FAM222B: variants seen among roughly 807,000 people sequenced by gnomAD.
FAM222B encodes the protein family with sequence similarity 222 member B, also known as protein FAM222B.
In FAM222B, 12 loss-of-function variants were observed where a neutral mutation model predicts 38.0. The observed-to-expected ratio is 0.32, with a 90% CI of 0.20 to 0.51. The LOEUF (loss-of-function observed/expected upper bound fraction) is 0.51, where lower values mean the gene tolerates loss of function less well. FAM222B is among the 20% of genes least tolerant of loss of function. The pLI, the probability that FAM222B is intolerant of heterozygous loss-of-function variation, is 0.97. For missense variants in FAM222B, 716 were observed against 754.2 expected (o/e 0.95, Z 0.59); for synonymous variants, 329 against 317.2 (o/e 1.04, Z -0.40).
intron 1 of FAM222B, among the ~76,000 whole-genome samples, chr17:28,805,796 G>A (rs925640986): frequency 1.5e-4 from 23 of 152,156 alleles, no homozygotes; most frequent in African/African-American, 5.6e-4. Flanking sequence ...TAGTCTGTAT[G>A]CCTAGAAAAC....
intron 1 of FAM222B, among the ~76,000 whole-genome samples, chr17:28,816,391 A>G (rs960533660): frequency 7.2e-5 from 11 of 152,190 alleles, no homozygotes; most frequent in African/African-American, 2.7e-4. Context: ...TAGTCAGTAA[A>G]AGATACTAAA....
intron 2 of FAM222B, among the ~76,000 whole-genome samples, chr17:28,765,245 T>A (rs1021945266): frequency 6.6e-6 from 1 of 152,226 alleles, no homozygotes; most frequent in Non-Finnish European, 1.5e-5. Flanking sequence ...TTTTAACTTC[T>A]GATGATGTTC....
chr17:28,845,818 C>T (rs1412482238), upstream of FAM222B, among the ~76,000 whole-genome samples: 1 of 150,844 alleles, frequency 6.6e-6, no homozygotes, highest in Non-Finnish European at 1.5e-5. Context: ...TCAATTGAAC[C>T]CGGGAGGTGG....
intron 1 of FAM222B, among the ~76,000 whole-genome samples, chr17:28,839,853 CAG>C (rs1175180360): frequency 6.6e-6 from 1 of 151,800 alleles, no homozygotes; most frequent in Non-Finnish European, 1.5e-5. Context: ...TTTTACCAGA[CAG>C]AGAAGTTAAA....
chr17:28,801,717 C>G (rs2037239389), intron 1 of FAM222B, among the ~76,000 whole-genome samples: 2 of 151,942 alleles, frequency 1.3e-5, no homozygotes, highest in Admixed American at 6.6e-5. Flanking sequence ...ACTTTTCCCT[C>G]CTAATTTAGG....
At chr17:28,847,872 C>T (rs541125699) in intron 1 of FAM222B, among the ~76,000 whole-genome samples, 96 of 151,306 alleles carry the variant, frequency 6.3e-4, no homozygotes, top group African/African-American at 2.3e-3. Flanking sequence ...CGAGATAGCG[C>T]CACTGTACTC....
intron 2 of FAM222B, among the ~76,000 whole-genome samples, chr17:28,765,635 T>C (rs548970260): frequency 6.6e-5 from 10 of 152,248 alleles, no homozygotes; most frequent in South Asian, 4.1e-4. Context: ...GTGCCAAGAA[T>C]AGAATATTTT....
At chr17:28,777,515 A>G (rs1013686253) in intron 1 of FAM222B, among the ~76,000 whole-genome samples, 3 of 152,110 alleles carry the variant, frequency 2.0e-5, no homozygotes, top group African/African-American at 7.2e-5. Flanking sequence ...TAACTTTTCA[A>G]TTTGAGAGTG....
At chr17:28,836,870 A>C (rs1249445673) in intron 1 of FAM222B, among the ~76,000 whole-genome samples, 1 of 151,982 alleles carries the variant, frequency 6.6e-6, no homozygotes, top group East Asian at 1.9e-4. Context: ...TGGGCATAAG[A>C]GGGGTGGGCT....
At chr17:28,774,564 C>T (rs2151815550) in intron 1 of FAM222B, among the ~76,000 whole-genome samples, 1 of 152,252 alleles carries the variant, frequency 6.6e-6, no homozygotes, top group Non-Finnish European at 1.5e-5. Flanking sequence ...AAACCTTTTT[C>T]CCTACTGGAA....
intron 1 of FAM222B, among the ~76,000 whole-genome samples, chr17:28,799,376 C>A (rs1250845715): frequency 1.3e-4 from 20 of 149,644 alleles, no homozygotes; most frequent in Admixed American, 1.3e-3. Flanking sequence ...CAACTCACTG[C>A]AACCTCTGCC....
At chr17:28,810,792 T>C (rs935580000) in intron 1 of FAM222B, among the ~76,000 whole-genome samples, 1 of 152,246 alleles carries the variant, frequency 6.6e-6, no homozygotes, top group African/African-American at 2.4e-5. Flanking sequence ...TCGTAATCCC[T>C]ATTACTTTCC....
chr17:28,782,174 T>A (rs2036193099), intron 1 of FAM222B, among the ~76,000 whole-genome samples: 1 of 151,936 alleles, frequency 6.6e-6, no homozygotes, highest in Non-Finnish European at 1.5e-5. Context: ...AATAAATAAT[T>A]AGCTGGGTGT....
chr17:28,827,431 AG>A (rs2038484985), intron 1 of FAM222B, among the ~76,000 whole-genome samples: 2 of 152,210 alleles, frequency 1.3e-5, no homozygotes, highest in Non-Finnish European at 2.9e-5. Context: ...ATGAGGAAAC[AG>A]AATAGCAATT....
intron 1 of FAM222B, chr17:28,812,324 G>A (rs1025924499): frequency 1.3e-5 from 2 of 152,350 alleles, no homozygotes; most frequent in African/African-American, 4.8e-5. Flanking sequence ...GGATGGAAGA[G>A]AGGGGGCTTC....
intron 1 of FAM222B, among the ~76,000 whole-genome samples, chr17:28,822,061 C>T (rs938802922): frequency 6.6e-6 from 1 of 151,366 alleles, no homozygotes; most frequent in African/African-American, 2.4e-5. Context: ...CAGTGGCTCA[C>T]GCCTATAATC....
rs2036904636 is a variant in FAM222B at position 28,795,592 on chromosome 17, TA to T, written c.-40-28886del. On this transcript the variant is annotated intron_variant, in intron 1 of 2. Transcript: ENST00000581407. ...ACAGACATGTGCCACCACACCCAGC[TA>T]ATTTTTTAAAATATTTTTTGTAGAG... Among the ~76,000 whole-genome samples, 5 of 152,288 alleles carry T rather than the reference TA, an allele frequency of 3.3e-5. No individual in the cohort carries two copies. In the South Asian group the frequency reaches 1.0e-3, roughly 32 times the overall value.
chr17:28,850,456 C>T (rs2039173331), intron 1 of FAM222B, among the ~76,000 whole-genome samples: 2 of 151,982 alleles, frequency 1.3e-5, no homozygotes, highest in Admixed American at 1.3e-4. Context: ...TGCCTGACAC[C>T]ACGCCCGGCT....
chr17:28,842,415 G>A (rs901785049), intron 1 of FAM222B, among the ~76,000 whole-genome samples: 1 of 152,030 alleles, frequency 6.6e-6, no homozygotes. Context: ...AAGGAGAGGC[G>A]ACCAAAAGCT....
Sources: gnomAD v4.1 joint callset for allele counts (sites outside exome capture counted in the v4.1 genomes callset) on GRCh38, gnomAD v4.1.1 for gene constraint, MANE v1.5 for transcripts, NCBI Gene and HGNC (gene_info 2026-07-23, HGNC 2026-07-21) for gene names.